PCDHGB5: variants seen among roughly 807,000 people sequenced by gnomAD.
PCDHGB5 encodes the protein protocadherin gamma-B5.
A neutral mutation model predicts 62.9 loss-of-function variants in PCDHGB5; 48 were observed. The ratio of observed to expected loss-of-function variants is 0.76; its 90% confidence interval spans 0.61 to 0.97. The LOEUF is 0.97. PCDHGB5 is among the 50% of genes least tolerant of loss of function. The pLI is 0.00. For missense variants in PCDHGB5, 1,118 were observed against 1,198.6 expected (o/e 0.93, Z 0.99); for synonymous variants, 474 against 511.2 (o/e 0.93, Z 0.98).
intron 2 of PCDHGB5, among the ~76,000 whole-genome samples, chr5:141,501,110 G>A (rs1373404247): frequency 2.6e-5 from 4 of 151,908 alleles, no homozygotes; most frequent in Admixed American, 6.6e-5. Flanking sequence ...CTCGTGATCC[G>A]CCTGCCTCAG....
chr5:141,432,589 G>T lies in PCDHGB5; in HGVS notation c.2397+32065G>T. ...CCTGGCTGTCCTACCGTCTGCTCAA[G>T]GCCAGCGAGCCGGGACTCTTCTCGG... On this transcript the variant is annotated intron_variant, in intron 1 of 3. Transcript: ENST00000617380. The surrounding 1 kb of genome is among the most constrained non-coding windows in gnomAD (Gnocchi z 6.0). 1 of 1,613,916 alleles carries T rather than the reference G, an allele frequency of 6.2e-7. No individual in the cohort carries two copies. Among genetic ancestry groups the T allele is most frequent in the Non-Finnish European group, 8.5e-7 (1 of 1,179,974 alleles).
chr5:141,425,962 C>T (rs2096906059), intron 1 of PCDHGB5, among the ~76,000 whole-genome samples: 2 of 152,236 alleles, frequency 1.3e-5, no homozygotes, highest in African/African-American at 2.4e-5. Flanking sequence ...TAGTCCAACA[C>T]ATCAGTCTAA....
chr5:141,424,246 A>G (rs971050268), intron 1 of PCDHGB5: 2 of 154,772 alleles, frequency 1.3e-5, no homozygotes, highest in African/African-American at 4.8e-5. Context: ...GTGGCTGGTA[A>G]TATGCTTAGA....
Position 141,485,175 on chromosome 5 carries a change from T to C in PCDHGB5, c.2398-9632T>C, listed in dbSNP as rs2099608731. ...GTAGAGAATTAGCGGGCGGCAGCAA[T>C]GCTCCGCAAGGTGAGAAGCTGGACA... On this transcript the variant is annotated intron_variant, in intron 1 of 3. Coordinates refer to ENST00000617380, the MANE Select transcript of PCDHGB5 (RefSeq NM_018925.3). The surrounding 1 kb of genome is among the most constrained non-coding windows in gnomAD (Gnocchi z 5.7). 6.2e-7 allele frequency: 1 copy of C among 1,611,486 alleles called. No homozygotes were observed. Among genetic ancestry groups the C allele is most frequent in the Non-Finnish European group, 8.5e-7 (1 of 1,177,998 alleles).
chr5:141,467,095 C>G (rs930625426), intron 1 of PCDHGB5, among the ~76,000 whole-genome samples: 2 of 150,094 alleles, frequency 1.3e-5, no homozygotes, highest in African/African-American at 4.9e-5. Context: ...CTCTGTCACA[C>G]AGGCTGGAGT....
Position 141,477,678 on chromosome 5 carries a change from C to T in PCDHGB5, c.2398-17129C>T, listed in dbSNP as rs967769574. ...AATCGTGACAATGGCATAGTGTCAT[C>T]CTTAGTGCCCCTAGACTATGAGGAT... On this transcript the variant is annotated intron_variant, in intron 1 of 3. Coordinates refer to ENST00000617380, the MANE Select transcript of PCDHGB5 (RefSeq NM_018925.3). This position sits in a 1 kb window ranked among gnomAD's most constrained non-coding sequence, Gnocchi z 4.9. 9.9e-6 allele frequency: 16 copies of T among 1,614,182 alleles called. No homozygotes were observed. The highest frequency in any genetic ancestry group is 1.1e-5 in the Non-Finnish European group (13 of 1,180,046).
At chr5:141,457,116 C>T (rs933634563) in intron 1 of PCDHGB5, among the ~76,000 whole-genome samples, 5 of 152,176 alleles carry the variant, frequency 3.3e-5, no homozygotes, top group Non-Finnish European at 7.3e-5. Flanking sequence ...AATACGACAG[C>T]AATGGAAACT....
chr5:141,482,144 G>A (rs564178008), intron 1 of PCDHGB5, among the ~76,000 whole-genome samples: 2 of 151,756 alleles, frequency 1.3e-5, no homozygotes, highest in African/African-American at 2.4e-5. Flanking sequence ...GGCATAAAAA[G>A]GTCAAGTCAA....
At chr5:141,509,327 G>A (rs2099876237) in intron 3 of PCDHGB5, among the ~76,000 whole-genome samples, 1 of 152,188 alleles carries the variant, frequency 6.6e-6, no homozygotes, top group African/African-American at 2.4e-5. Flanking sequence ...AAGCTCTACT[G>A]CCAGCTGGGC....
In PCDHGB5 at chr5:141,414,653, A is replaced by G. The variant is rs2095771118; in HGVS notation, c.2397+14129A>G. ...AGCAAAGAGAATGCCCAGATTATTT[A>G]CTCCCTGGCTGAAGACACCATCCAG... On this transcript the variant is annotated intron_variant, in intron 1 of 3. Coordinates refer to ENST00000617380, the MANE Select transcript of PCDHGB5 (RefSeq NM_018925.3). 6.2e-7 allele frequency: 1 copy of G among 1,613,644 alleles called. No homozygotes were observed.
intron 1 of PCDHGB5, chr5:141,478,553 T>G (rs1593930915): frequency 6.2e-7 from 1 of 1,602,704 alleles, no homozygotes; most frequent in Non-Finnish European, 8.5e-7. Context: ...ACAGGTAAGG[T>G]TTAGCAAGTC....
At chr5:141,437,650 A>G in intron 1 of PCDHGB5, among the ~76,000 whole-genome samples, 1 of 152,314 alleles carries the variant, frequency 6.6e-6, no homozygotes, top group Non-Finnish European at 1.5e-5. Context: ...AAAAGCAAAC[A>G]CATAGTTTCG....
At position 141,487,047 on chromosome 5, in the gene PCDHGB5, C is replaced by T; in HGVS notation, c.2398-7760C>T. The T allele has an allele frequency of 6.2e-7, 1 of 1,614,188 alleles. No individual in the cohort carries two copies. Among genetic ancestry groups the T allele is most frequent in the Non-Finnish European group, 8.5e-7 (1 of 1,180,032 alleles). ...AGCCTGTTTGCAGTCTCTCGATATGCTGGGGAGGTGCGGACGGCTGTTCCT... is the reference window on the plus strand; with the variant it reads ...AGCCTGTTTGCAGTCTCTCGATATGTTGGGGAGGTGCGGACGGCTGTTCCT... On this transcript the variant is annotated intron_variant, in intron 1 of 3. Coordinates refer to ENST00000617380, the MANE Select transcript of PCDHGB5 (RefSeq NM_018925.3). This position sits in a 1 kb window ranked among gnomAD's most constrained non-coding sequence, Gnocchi z 5.0.
At chr5:141,403,724 G>A (rs373210176) in intron 1 of PCDHGB5, 2 of 1,613,924 alleles carry the variant, frequency 1.2e-6, no homozygotes, top group Non-Finnish European at 1.7e-6. Flanking sequence ...CGTGCCCCCA[G>A]GCACCTGGCT....
intron 1 of PCDHGB5, among the ~76,000 whole-genome samples, chr5:141,479,135 G>C (rs1236040845): frequency 6.6e-6 from 1 of 152,126 alleles, no homozygotes; most frequent in East Asian, 1.9e-4. Flanking sequence ...TGTGCACCCT[G>C]CTTACAAAAT....
intron 1 of PCDHGB5, among the ~76,000 whole-genome samples, chr5:141,425,694 A>G (rs1006103007): frequency 6.6e-6 from 1 of 152,240 alleles, no homozygotes; most frequent in Non-Finnish European, 1.5e-5. Context: ...ATATCATTTC[A>G]TAGTGGTCAA....
At position 141,476,752 on chromosome 5, in the gene PCDHGB5, A is replaced by C. The variant is rs771355583; in HGVS notation, c.2398-18055A>C. The C allele has an allele frequency of 6.2e-7, 1 of 1,613,926 alleles. No homozygotes were observed. The highest frequency in any genetic ancestry group is 1.1e-5 in the South Asian group (1 of 91,080). Reference sequence around the variant, plus strand: ...GAGAACGGGAGCCTAGTCTCCAGTTAGTGCTGACGGCGTTGGACGGAGGGA... The same window carrying C: ...GAGAACGGGAGCCTAGTCTCCAGTTCGTGCTGACGGCGTTGGACGGAGGGA... On this transcript the variant is annotated intron_variant, in intron 1 of 3. Transcript: ENST00000617380. The surrounding 1 kb of genome is among the most constrained non-coding windows in gnomAD (Gnocchi z 7.6).
In PCDHGB5 at chr5:141,462,383, G is replaced by A. The variant is rs78537075; in HGVS notation, c.2398-32424G>A. Among the ~76,000 whole-genome samples the A allele has an allele frequency of 5.6e-4, 85 of 151,920 alleles. 1 individual carries two copies. In the East Asian group the frequency reaches 0.016, roughly 29 times the overall value. ...GTATAGTTTCTATTCTTTTAAATTC[G>A]TTAACATTTCTTTTATGGCACAGAA... On this transcript the variant is annotated intron_variant, in intron 1 of 3. Transcript: ENST00000617380.
rs574905149 is a variant in PCDHGB5 at position 141,400,501 on chromosome 5, G to C, written c.2374G>C (p.Glu792Gln). 1 of 1,613,878 alleles carries C rather than the reference G, an allele frequency of 6.2e-7. No homozygotes were observed. The highest frequency in any genetic ancestry group is 1.7e-5 in the Admixed American group (1 of 60,012). The change falls in exon 1 of 4, where the codon GAG (glutamate) becomes CAG (glutamine). Residue 792 changes from glutamate (E) to glutamine (Q), a missense_variant. By Grantham distance (29) the Glu-to-Gln change is conservative. Transcript: ENST00000617380. Reference protein sequence around the residue: ...GALFPLCNSSESTSHPELQAP... With the variant: ...GALFPLCNSSQSTSHPELQAP... ...CTTATTTCCACTTTGTAATTCCAGC[G>C]AGTCGACTTCCCATCCTGAGTTGGT...
Sources: gnomAD v4.1 joint callset for allele counts (sites outside exome capture counted in the v4.1 genomes callset) on GRCh38, gnomAD v4.1.1 for gene constraint, Gnocchi (gnomAD v3.1) non-coding constraint, MANE v1.5 for transcripts, NCBI Gene and HGNC (gene_info 2026-07-23, HGNC 2026-07-21) for gene names.